The following MEIG1 variants were observed in gnomAD, a reference collection of about 807,000 sequenced individuals.
MEIG1 encodes meiosis expressed gene 1 protein homolog.
A neutral mutation model predicts 11.3 loss-of-function variants in MEIG1; 12 were observed. That is an observed-to-expected ratio of 1.07 (90% CI 0.68 to 1.73). The LOEUF (loss-of-function observed/expected upper bound fraction) is 1.73. Ranked by LOEUF, MEIG1 falls within the 40% of genes most tolerant of loss-of-function variation. The pLI, the probability that MEIG1 is intolerant of heterozygous loss-of-function variation, is 0.00. For synonymous variants in MEIG1, 41 were observed against 33.2 expected (o/e 1.24, Z -0.81); for missense variants, 119 against 104.9 (o/e 1.13, Z -0.59).
downstream of MEIG1, among the ~76,000 whole-genome samples, chr10:14,975,405 T>C (rs553892267): frequency 5.7e-4 from 86 of 152,132 alleles, no homozygotes; most frequent in Non-Finnish European, 7.6e-4. Context: ...ACTCCCAATA[T>C]GGCAGGGGGT....
At chr10:14,973,942 G>T (rs1289971947), downstream of MEIG1, among the ~76,000 whole-genome samples, 1 of 152,112 alleles carries the variant, frequency 6.6e-6, no homozygotes, top group African/African-American at 2.4e-5. Context: ...GACGGACTAA[G>T]GCCATGGGAA....
chr10:14,972,366 G>C, intron 2 of MEIG1, 147 bp from the exon 3 acceptor site: 1 of 973,450 alleles, frequency 1.0e-6, no homozygotes, highest in Non-Finnish European at 1.5e-6. Context: ...TGTCTTGTGG[G>C]TATCATACTT....
At chr10:14,986,622 A>T (rs1380302974) in intron 1 of MEIG1, among the ~76,000 whole-genome samples, 1 of 152,084 alleles carries the variant, frequency 6.6e-6, no homozygotes, top group Non-Finnish European at 1.5e-5. Context: ...TTTTGTATGT[A>T]GGTGTATGAT....
intron 1 of MEIG1, among the ~76,000 whole-genome samples, chr10:14,961,871 G>C (rs1222752036): frequency 3.3e-5 from 5 of 151,940 alleles, no homozygotes; most frequent in Middle Eastern, 3.4e-3. Context: ...GCAGTGACTT[G>C]ATCACAGCTC....
At chr10:14,973,703 G>A (rs182616327), downstream of MEIG1, among the ~76,000 whole-genome samples, 2,551 of 141,380 alleles carry the variant, frequency 0.018, 34 homozygotes, top group South Asian at 0.042. Flanking sequence ...CCAGGAGGCA[G>A]AGCTTGCAGT....
At chr10:14,956,351 G>C (rs1043118389), upstream of MEIG1, among the ~76,000 whole-genome samples, 4 of 152,180 alleles carry the variant, frequency 2.6e-5, no homozygotes, top group African/African-American at 9.6e-5. Flanking sequence ...GGCCGACGCA[G>C]GTGGATCACC....
At chr10:14,983,377 C>T (rs1176916185) in intron 1 of MEIG1, among the ~76,000 whole-genome samples, 1 of 152,006 alleles carries the variant, frequency 6.6e-6, no homozygotes, top group Non-Finnish European at 1.5e-5. Context: ...CTCGCAATAT[C>T]GCAGGCTGTG....
chr10:14,983,370 G>C (rs12247037), intron 1 of MEIG1, among the ~76,000 whole-genome samples: 18,781 of 151,668 alleles, frequency 0.12, 1,317 homozygotes, highest in Middle Eastern at 0.23. Context: ...GATATTACTC[G>C]CAATATCGCA....
At chr10:14,978,425 C>T (rs183625550) in intron 1 of MEIG1, among the ~76,000 whole-genome samples, 2 of 151,764 alleles carry the variant, frequency 1.3e-5, no homozygotes, top group Non-Finnish European at 2.9e-5. Context: ...AAACCAAAGG[C>T]GTGTGTTCCC....
intron 1 of MEIG1, among the ~76,000 whole-genome samples, chr10:14,985,810 A>G (rs549454197): frequency 6.6e-6 from 1 of 152,142 alleles, no homozygotes; most frequent in South Asian, 2.1e-4. Context: ...ATTAATTCAA[A>G]TATCACAGTG....
intron 1 of MEIG1, among the ~76,000 whole-genome samples, chr10:14,961,297 G>A (rs1024728721): frequency 6.6e-6 from 1 of 152,188 alleles, no homozygotes; most frequent in Admixed American, 6.5e-5. Context: ...TCGAATTACT[G>A]AATGCGTATT....
upstream of MEIG1, among the ~76,000 whole-genome samples, chr10:14,958,240 T>C (rs1257500734): frequency 1.3e-5 from 2 of 151,664 alleles, no homozygotes; most frequent in Admixed American, 6.6e-5. Context: ...TACATTGATA[T>C]ACAAATCTAA....
chr10:14,978,799 T>C (rs373477024), intron 1 of MEIG1, among the ~76,000 whole-genome samples: 22 of 151,968 alleles, frequency 1.4e-4, no homozygotes, highest in African/African-American at 4.8e-4. Context: ...TGACTTTTAA[T>C]GTCACAGAGT....
chr10:14,955,151 C>T (rs1381834950), upstream of MEIG1, among the ~76,000 whole-genome samples: 1 of 152,128 alleles, frequency 6.6e-6, no homozygotes, highest in Non-Finnish European at 1.5e-5. Context: ...AGGCTGGTCT[C>T]GAGCTCCTGG....
At chr10:14,975,344 C>G (rs962807626), downstream of MEIG1, among the ~76,000 whole-genome samples, 4 of 151,974 alleles carry the variant, frequency 2.6e-5, no homozygotes, top group Non-Finnish European at 4.4e-5. Context: ...GAGGTGTACA[C>G]CCATCCTGGG....
downstream of MEIG1, among the ~76,000 whole-genome samples, chr10:14,974,348 G>A (rs902751894): frequency 2.0e-5 from 3 of 152,176 alleles, no homozygotes; most frequent in African/African-American, 7.2e-5. Flanking sequence ...GGGGTTGTGG[G>A]TCTGGATAAC....
At chr10:14,968,921 A>C (rs528178856) in intron 2 of MEIG1, among the ~76,000 whole-genome samples, 3 of 152,226 alleles carry the variant, frequency 2.0e-5, no homozygotes, top group Non-Finnish European at 2.9e-5. Context: ...TCTGCTAAAA[A>C]TACAAAACTT....
chr10:14,967,084 G>T (rs963590850), intron 2 of MEIG1, among the ~76,000 whole-genome samples: 8 of 152,158 alleles, frequency 5.3e-5, no homozygotes, highest in Non-Finnish European at 7.4e-5. Context: ...TGATTTGCAG[G>T]CAGAGTGGGA....
upstream of MEIG1, among the ~76,000 whole-genome samples, chr10:14,955,833 T>C (rs1378568653): frequency 6.6e-6 from 1 of 152,144 alleles, no homozygotes; most frequent in East Asian, 1.9e-4. Context: ...CATGGAAAGG[T>C]ATACACAACA....
Sources: allele counts gnomAD v4.1 joint callset (sites outside exome capture counted in the v4.1 genomes callset), GRCh38; gene constraint gnomAD v4.1.1; transcripts MANE v1.5; gene names NCBI Gene and HGNC (gene_info 2026-07-23, HGNC 2026-07-21).